CSMD1: variants seen among roughly 807,000 people sequenced by gnomAD.
CSMD1 encodes CUB and Sushi multiple domains 1, also known as CUB and sushi domain-containing protein 1.
A neutral mutation model predicts 417.5 loss-of-function variants in CSMD1; 213 were observed. The ratio of observed to expected loss-of-function variants is 0.51; its 90% CI spans 0.46 to 0.57. CSMD1 has a LOEUF of 0.57. CSMD1 is among the 20% of genes least tolerant of loss of function. The pLI is 0.00. For synonymous variants in CSMD1, 2,862 were observed against 1,736.8 expected, an observed-to-expected ratio of 1.65 and a Z score of -16.11; for missense variants, 6,923 against 4,529.7, an observed-to-expected ratio of 1.53 and a Z score of -15.17.
chr8:4,389,443 GAAAC>G (rs1278467997), intron 3 of CSMD1, among the ~76,000 whole-genome samples: 4 of 151,766 alleles, frequency 2.6e-5, no homozygotes, highest in South Asian at 2.1e-4. Flanking sequence ...ACAAAACAAA[GAAAC>G]AAACAAACAT....
At chr8:3,785,920 C>T (rs943111087) in intron 5 of CSMD1, among the ~76,000 whole-genome samples, 1 of 152,182 alleles carries the variant, frequency 6.6e-6, no homozygotes, top group African/African-American at 2.4e-5. Context: ...GTACACCATT[C>T]TTGGAGCCGA....
chr8:3,442,693 CTGT>C (rs564246336), intron 12 of CSMD1, among the ~76,000 whole-genome samples: 2 of 152,134 alleles, frequency 1.3e-5, no homozygotes, highest in Non-Finnish European at 2.9e-5. Flanking sequence ...GAACGTATCC[CTGT>C]TGTTGTTAAG....
intron 18 of CSMD1, among the ~76,000 whole-genome samples, chr8:3,376,838 T>C (rs923633275): frequency 6.6e-6 from 1 of 152,196 alleles, no homozygotes; most frequent in Admixed American, 6.5e-5. Context: ...AAGGTTTAAA[T>C]ATCCTACTTA....
chr8:4,847,472 C>G (rs1281845166), intron 1 of CSMD1, among the ~76,000 whole-genome samples: 4 of 150,588 alleles, frequency 2.7e-5, no homozygotes, highest in Non-Finnish European at 5.9e-5. Context: ...TTCCATACAC[C>G]TAATACCCGA....
Position 3,811,856 on chromosome 8 carries a change from CT to C in CSMD1, c.819-57815del, listed in dbSNP as rs541681900. ...TCTCCATTAGCCAACACATTTTTGT[CT>C]TACTTAAGCCACTATGTGTTGTGTT... On this transcript the variant is annotated intron_variant, in intron 5 of 69. Transcript: ENST00000635120. Among the ~76,000 whole-genome samples the C allele has an allele frequency of 1.2e-4, 19 of 152,264 alleles. No homozygotes were observed. The South Asian group carries it at 3.9e-3, about 32-fold the overall frequency.
intron 5 of CSMD1, among the ~76,000 whole-genome samples, chr8:3,923,646 G>T (rs1470253335): frequency 1.3e-5 from 2 of 152,148 alleles, no homozygotes; most frequent in East Asian, 3.9e-4. Flanking sequence ...TACTCTCTTA[G>T]AAATTTTCAA....
In CSMD1 at chr8:3,807,949, C is replaced by G. The variant is rs1377136084; in HGVS notation, c.819-53907G>C. 3.3e-5 allele frequency among the ~76,000 whole-genome samples: 5 copies of G among 152,162 alleles called. No homozygotes were observed. The East Asian group carries it at 7.7e-4, about 23-fold the overall frequency. ...GTAATTTTTGAGGCTAGGTGGCTTG[C>G]ATAACTTGTCAAACAAGACATGCAG... is the stretch of plus-strand genomic sequence containing the variant. On this transcript the variant is annotated intron_variant, in intron 5 of 69. Coordinates refer to ENST00000635120, the MANE Select transcript of CSMD1 (RefSeq NM_033225.6).
At chr8:3,599,008 G>T (rs937959056) in intron 8 of CSMD1, among the ~76,000 whole-genome samples, 1 of 152,154 alleles carries the variant, frequency 6.6e-6, no homozygotes. Context: ...GTGAATGTGG[G>T]AGGTAGGGGT....
intron 49 of CSMD1, among the ~76,000 whole-genome samples, chr8:3,072,763 C>A (rs1294732156): frequency 6.6e-6 from 1 of 152,152 alleles, no homozygotes; most frequent in Non-Finnish European, 1.5e-5. Flanking sequence ...CATTTCAGTG[C>A]ATAGCATCGT....
At chr8:3,796,115 T>TG (rs1800091006) in intron 5 of CSMD1, among the ~76,000 whole-genome samples, 1 of 10,520 alleles carries the variant, frequency 9.5e-5, no homozygotes, top group Non-Finnish European at 1.9e-4. Context: ...TATATATCTA[T>TG]CATAGATATA....
chr8:4,179,518 G>T (rs1331340915), intron 3 of CSMD1, among the ~76,000 whole-genome samples: 5 of 150,540 alleles, frequency 3.3e-5, no homozygotes, highest in African/African-American at 4.9e-5. Flanking sequence ...GTAGGCATGG[G>T]CAAAGACTTC....
intron 23 of CSMD1, among the ~76,000 whole-genome samples, chr8:3,309,970 CATT>C (rs1805197793): frequency 6.6e-6 from 1 of 152,144 alleles, no homozygotes; most frequent in African/African-American, 2.4e-5. Flanking sequence ...CCAACCATGA[CATT>C]ATTATTTTTA....
chr8:2,997,954 C>T (rs997434560), intron 54 of CSMD1, 57 bp downstream of exon 54: 30 of 1,519,730 alleles, frequency 2.0e-5, no homozygotes, highest in Non-Finnish European at 2.6e-5. Flanking sequence ...GATGGTGTTA[C>T]TGGGCAGCCT....
chr8:3,735,080 C>T (rs1796462620), intron 6 of CSMD1, among the ~76,000 whole-genome samples: 1 of 152,168 alleles, frequency 6.6e-6, no homozygotes, highest in Non-Finnish European at 1.5e-5. Context: ...ACACGCCAGC[C>T]ACCACAACGA....
chr8:4,772,115 C>T (rs769282958), intron 1 of CSMD1, among the ~76,000 whole-genome samples: 4 of 152,118 alleles, frequency 2.6e-5, no homozygotes, highest in Non-Finnish European at 5.9e-5. Flanking sequence ...CTTCCAGGGT[C>T]ATTTGGGTCC....
chr8:4,852,078 C>G (rs572843585), intron 1 of CSMD1, among the ~76,000 whole-genome samples: 2 of 152,176 alleles, frequency 1.3e-5, no homozygotes, highest in Non-Finnish European at 2.9e-5. Context: ...ACATCAGATT[C>G]CCTCTCTCTT....
At chr8:3,515,030 T>C (rs1797229109) in intron 10 of CSMD1, among the ~76,000 whole-genome samples, 1 of 152,232 alleles carries the variant, frequency 6.6e-6, no homozygotes, top group Non-Finnish European at 1.5e-5. Flanking sequence ...ATCAAATTTA[T>C]AATCCATCGA....
intron 3 of CSMD1, among the ~76,000 whole-genome samples, chr8:4,097,238 A>C (rs964127085): frequency 7.2e-5 from 11 of 152,182 alleles, no homozygotes; most frequent in African/African-American, 2.7e-4. Flanking sequence ...TCCCTTTTGT[A>C]GTACAAAGAA....
intron 17 of CSMD1, among the ~76,000 whole-genome samples, chr8:3,389,701 A>G (rs747500804): frequency 3.3e-5 from 5 of 152,308 alleles, no homozygotes; most frequent in Non-Finnish European, 7.3e-5. Flanking sequence ...ACCATAAACT[A>G]AACTTTTCCC....
Sources: allele counts gnomAD v4.1 joint callset (sites outside exome capture counted in the v4.1 genomes callset), GRCh38; gene constraint gnomAD v4.1.1; transcripts MANE v1.5; gene names NCBI Gene and HGNC (gene_info 2026-07-23, HGNC 2026-07-21).